The following AFG2A variants were observed in gnomAD, a reference collection of about 807,000 sequenced individuals.
AFG2A encodes the protein AAA ATPase AFG2A.
chr4:123,134,155 C>G, the AFG2A span, among the ~76,000 whole-genome samples: 1 of 151,986 alleles, frequency 6.6e-6, no homozygotes, highest in Non-Finnish European at 1.5e-5. Flanking sequence ...CTTTCATTGC[C>G]TGTGCTTTTG....
At chr4:123,058,657 C>T in the AFG2A span, among the ~76,000 whole-genome samples, 14 of 152,084 alleles carry the variant, frequency 9.2e-5, no homozygotes, top group Non-Finnish European at 1.8e-4. Flanking sequence ...AATCAGATCT[C>T]GTGAGACTGA....
chr4:123,272,872 T>C, the AFG2A span, among the ~76,000 whole-genome samples: 1 of 152,112 alleles, frequency 6.6e-6, no homozygotes, highest in East Asian at 1.9e-4. Context: ...CAGGGTATAT[T>C]CATAGAATGG....
chr4:123,030,727 T>C, the AFG2A span, among the ~76,000 whole-genome samples: 2 of 152,206 alleles, frequency 1.3e-5, no homozygotes, highest in Non-Finnish European at 1.5e-5. Context: ...ATTTTTCAAA[T>C]TGAATATCCC....
chr4:123,075,224 A>G, the AFG2A span, among the ~76,000 whole-genome samples: 15 of 152,160 alleles, frequency 9.9e-5, no homozygotes, highest in South Asian at 6.2e-4. Context: ...GATTACAGGC[A>G]TGAGCCACCA....
At chr4:123,308,020 A>G in the AFG2A span, among the ~76,000 whole-genome samples, 104,613 of 151,652 alleles carry the variant, frequency 0.69, 38,198 homozygotes, top group Non-Finnish European at 0.81. Flanking sequence ...ACACGTGACT[A>G]TATGTTACTG....
the AFG2A span, among the ~76,000 whole-genome samples, chr4:122,945,369 T>G: frequency 6.6e-6 from 1 of 152,180 alleles, no homozygotes; most frequent in South Asian, 2.1e-4. Flanking sequence ...TCCCCCAGCC[T>G]CACTGCCGCC....
chr4:123,237,076 G>A, the AFG2A span, among the ~76,000 whole-genome samples: 3 of 152,224 alleles, frequency 2.0e-5, no homozygotes, highest in Non-Finnish European at 1.5e-5. Flanking sequence ...AAAGTATTTA[G>A]AAAGTTTTCC....
chr4:123,311,277 G>A, the AFG2A span, among the ~76,000 whole-genome samples: 2 of 152,158 alleles, frequency 1.3e-5, no homozygotes, highest in South Asian at 2.1e-4. Flanking sequence ...CACTAAAGCC[G>A]CTTTGTCATT....
chr4:123,001,747 G>C, the AFG2A span, among the ~76,000 whole-genome samples: 1 of 151,978 alleles, frequency 6.6e-6, no homozygotes, highest in Non-Finnish European at 1.5e-5. Context: ...TTTGGAATAG[G>C]TATGGTGTGG....
At chr4:123,042,244 G>T in the AFG2A span, among the ~76,000 whole-genome samples, 3 of 152,258 alleles carry the variant, frequency 2.0e-5, no homozygotes, top group African/African-American at 7.2e-5. Flanking sequence ...GGAAGTCCAA[G>T]ATCAAAGTGC....
At chr4:123,137,043 G>A in the AFG2A span, among the ~76,000 whole-genome samples, 1 of 152,042 alleles carries the variant, frequency 6.6e-6, no homozygotes, top group African/African-American at 2.4e-5. Context: ...ATTCTCATAA[G>A]GAGCACACAA....
At chr4:122,999,059 C>T in the AFG2A span, among the ~76,000 whole-genome samples, 2 of 149,656 alleles carry the variant, frequency 1.3e-5, no homozygotes, top group South Asian at 2.2e-4. Flanking sequence ...TCTCTGATGG[C>T]CAGTGATGGT....
the AFG2A span, among the ~76,000 whole-genome samples, chr4:122,940,128 G>C: frequency 1.3e-5 from 2 of 152,064 alleles, no homozygotes; most frequent in African/African-American, 4.8e-5. Context: ...ATGATTTATA[G>C]TCCTTTGAGT....
At chr4:123,184,747 G>C in the AFG2A span, among the ~76,000 whole-genome samples, 1 of 150,960 alleles carries the variant, frequency 6.6e-6, no homozygotes, top group Admixed American at 6.6e-5. Flanking sequence ...CGTTTTAGCC[G>C]GGATGGTCTC....
the AFG2A span, among the ~76,000 whole-genome samples, chr4:123,278,643 G>A: frequency 7.9e-5 from 12 of 152,244 alleles, no homozygotes; most frequent in East Asian, 1.9e-3. Context: ...AGAGATTCAG[G>A]TATGTTGTAT....
chr4:123,155,954 G>A, the AFG2A span, among the ~76,000 whole-genome samples: 1 of 152,108 alleles, frequency 6.6e-6, no homozygotes, highest in Admixed American at 6.6e-5. Context: ...CCTAAAATTG[G>A]GTAATTTATA....
the AFG2A span, among the ~76,000 whole-genome samples, chr4:123,077,241 G>T: frequency 6.6e-6 from 1 of 151,954 alleles, no homozygotes; most frequent in African/African-American, 2.4e-5. Context: ...TAGAGATGGG[G>T]TTTCACCATG....
chr4:123,134,595 A>ATTT, the AFG2A span, among the ~76,000 whole-genome samples: 18,092 of 132,484 alleles, frequency 0.14, 1,690 homozygotes, highest in East Asian at 0.43. Context: ...GAATTTTAGG[A>ATTT]TTTTTTTTTT....
chr4:123,056,325 T>C, the AFG2A span: 1 of 1,487,546 alleles, frequency 6.7e-7, no homozygotes, highest in Non-Finnish European at 9.1e-7. Context: ...TCTACTTCAT[T>C]GGAAGAAATA....
Sources: allele counts gnomAD v4.1 joint callset (sites outside exome capture counted in the v4.1 genomes callset), GRCh38; gene constraint gnomAD v4.1.1; transcripts MANE v1.5; gene names NCBI Gene and HGNC (gene_info 2026-07-23, HGNC 2026-07-21).